Variants in KCMF1 observed in about 807,000 individuals in gnomAD.
The protein encoded by KCMF1 is E3 ubiquitin-protein ligase KCMF1.
A neutral mutation model predicts 41.1 loss-of-function variants in KCMF1; 3 were observed. The ratio of observed to expected loss-of-function variants is 0.07; its 90% CI spans 0.03 to 0.19. The LOEUF is 0.19. Among genes scored for constraint, KCMF1 ranks in the 10% least tolerant of loss-of-function variants. The pLI, the probability that KCMF1 is intolerant of heterozygous loss-of-function variation, is 1.00. For synonymous variants in KCMF1, 142 were observed against 164.5 expected (o/e 0.86, Z 1.04); for missense variants, 286 against 488.9 (o/e 0.58, Z 3.91).
intron 1 of KCMF1, among the ~76,000 whole-genome samples, chr2:84,994,668 G>C (rs984227341): frequency 3.9e-5 from 6 of 152,120 alleles, no homozygotes; most frequent in Non-Finnish European, 8.8e-5. Flanking sequence ...CTCCCAAAGT[G>C]CTGGGATTAC....
intron 2 of KCMF1, among the ~76,000 whole-genome samples, chr2:85,032,577 A>T (rs535710032): frequency 6.6e-6 from 1 of 151,990 alleles, no homozygotes; most frequent in Non-Finnish European, 1.5e-5. Context: ...GGGTTTCACC[A>T]TGTTGGCCAG....
rs1360134870 is a variant in KCMF1 at position 85,049,538 on chromosome 2, T to G, written c.774T>G (p.Thr258=). The G allele has an allele frequency of 6.2e-7, 1 of 1,613,888 alleles. No homozygotes were observed. The highest frequency in any genetic ancestry group is 1.3e-5 in the African/African-American group (1 of 74,918). The change falls in exon 6 of 7, where the codon ACT becomes ACG. Residue 258 remains threonine, a synonymous_variant. Transcript: ENST00000409785. The part of the protein sequence containing the change: ...LETARNATRR[T]NTSSVTTTIT... ...CCGCACGCAACGCAACCCGGCGTAC[T>G]AACACAAGCAGTGTCACCACTACAA...
intron 1 of KCMF1, among the ~76,000 whole-genome samples, chr2:84,995,653 C>A (rs957943555): frequency 1.3e-5 from 2 of 151,998 alleles, no homozygotes; most frequent in African/African-American, 2.4e-5. Context: ...CATTAGAATT[C>A]TTTTATAAAG....
rs556808134 is a variant in KCMF1, at chr2:85,025,634, A to C, written c.17-2255A>C. Among the ~76,000 whole-genome samples the C allele has an allele frequency of 2.3e-3, 353 of 152,218 alleles. 1 individual carries two copies. Among genetic ancestry groups the C allele is most frequent in the South Asian group, 7.7e-3 (37 of 4,830 alleles). On this transcript the variant is annotated intron_variant, in intron 1 of 6. Transcript: ENST00000409785. ...CATTTTTTTGGTTTTTTGAGATAGG[A>C]GTCCCGCTCTGTCACCCAGGCTGGA...
At chr2:85,026,804 T>C (rs963102680) in intron 1 of KCMF1, among the ~76,000 whole-genome samples, 2 of 152,154 alleles carry the variant, frequency 1.3e-5, no homozygotes, top group Non-Finnish European at 2.9e-5. Flanking sequence ...TTTTAACAGG[T>C]CAAGAATTAT....
chr2:84,976,300 G>A (rs931470368), intron 1 of KCMF1, among the ~76,000 whole-genome samples: 6 of 148,520 alleles, frequency 4.0e-5, no homozygotes, highest in Non-Finnish European at 8.9e-5. Context: ...TCCACCTCCT[G>A]TGTTCGAGTG....
intron 1 of KCMF1, among the ~76,000 whole-genome samples, chr2:84,980,125 C>T (rs1673669060): frequency 6.6e-6 from 1 of 152,136 alleles, no homozygotes; most frequent in Admixed American, 6.6e-5. Context: ...AGCCACTGCG[C>T]CCAGCCAGTT....
intron 2 of KCMF1, among the ~76,000 whole-genome samples, chr2:85,033,207 T>G (rs1428619192): frequency 6.6e-6 from 1 of 152,228 alleles, no homozygotes; most frequent in Non-Finnish European, 1.5e-5. Context: ...TAAAAATGAA[T>G]ATGAACAAAT....
chr2:85,024,555 A>T (rs1194500003), intron 1 of KCMF1, among the ~76,000 whole-genome samples: 1 of 106,582 alleles, frequency 9.4e-6, no homozygotes, highest in Non-Finnish European at 1.9e-5. Flanking sequence ...TTGGAGAGTG[A>T]GAGAGAGAGA....
intron 1 of KCMF1, among the ~76,000 whole-genome samples, chr2:84,974,949 C>T (rs949755482): frequency 2.0e-5 from 3 of 151,666 alleles, no homozygotes; most frequent in Non-Finnish European, 2.9e-5. Flanking sequence ...CCTCGTGATC[C>T]GCCGGCCTCG....
At chr2:85,004,461 G>C (rs1241677464) in intron 1 of KCMF1, among the ~76,000 whole-genome samples, 1 of 151,672 alleles carries the variant, frequency 6.6e-6, no homozygotes, top group South Asian at 2.1e-4. Context: ...GCAGTGAGCC[G>C]AGATCGCGCC....
intron 1 of KCMF1, among the ~76,000 whole-genome samples, chr2:84,993,369 C>G: frequency 6.6e-6 from 1 of 152,094 alleles, no homozygotes; most frequent in Middle Eastern, 3.4e-3. Flanking sequence ...GAGTGTTGAT[C>G]CACAGATAGT....
At position 85,035,124 on chromosome 2, in the gene KCMF1, C is replaced by T. The variant is rs763493561; in HGVS notation, c.293C>T (p.Thr98Ile). The T allele has an allele frequency of 6.2e-7, 1 of 1,613,246 alleles. No individual in the cohort carries two copies. The highest frequency in any genetic ancestry group is 8.5e-7 in the Non-Finnish European group (1 of 1,179,512). Residue 98 changes from threonine to isoleucine, a missense_variant, in exon 3 of 7, where the codon ACT becomes ATT. Physicochemically the swap from Thr to Ile is moderately conservative, Grantham distance 89 (BLOSUM62 -1). Around this residue, in one of 2 missense-constraint regions of KCMF1, gnomAD observed 95 missense variants for 209.6 expected, o/e 0.45. Transcript: ENST00000409785. ...YTETSLQEHV[T>I]SEHAETSTEV... ...GAGACATCTCTTCAAGAACATGTTA[C>T]TTCTGAACATGCAGAAACATCAACA...
At chr2:84,991,811 G>A (rs1674048389) in intron 1 of KCMF1, among the ~76,000 whole-genome samples, 1 of 152,132 alleles carries the variant, frequency 6.6e-6, no homozygotes, top group African/African-American at 2.4e-5. Context: ...AAGAAAGATT[G>A]AACCATACTA....
At chr2:85,047,612 A>T (rs80301067) in intron 5 of KCMF1, among the ~76,000 whole-genome samples, 9 of 151,758 alleles carry the variant, frequency 5.9e-5, no homozygotes, top group Non-Finnish European at 2.9e-5. Flanking sequence ...AAAAAAAAAA[A>T]ACACAGTTTT....
chr2:85,036,880 ATT>A (rs1675414819), intron 3 of KCMF1, among the ~76,000 whole-genome samples: 1 of 149,914 alleles, frequency 6.7e-6, no homozygotes, highest in Non-Finnish European at 1.5e-5. Flanking sequence ...TTATTATTAT[ATT>A]TTGTTATTAT....
At chr2:85,004,950 C>T (rs1360124321) in intron 1 of KCMF1, among the ~76,000 whole-genome samples, 2 of 152,012 alleles carry the variant, frequency 1.3e-5, no homozygotes, top group African/African-American at 4.8e-5. Context: ...ATTCTCCTGC[C>T]TCAGCCTCTC....
chr2:85,041,841 C>T (rs1365539966), intron 3 of KCMF1, among the ~76,000 whole-genome samples: 2 of 147,314 alleles, frequency 1.4e-5, no homozygotes, highest in Admixed American at 1.4e-4. Context: ...TGTCCTGCAT[C>T]TCTCAAAGAG....
At chr2:85,046,544 C>T (rs749741223) in intron 5 of KCMF1, among the ~76,000 whole-genome samples, 19 of 151,504 alleles carry the variant, frequency 1.3e-4, no homozygotes, top group African/African-American at 4.6e-4. Flanking sequence ...GCATGAGAAT[C>T]GCTTGAGCCT....
Sources: allele counts gnomAD v4.1 joint callset (sites outside exome capture counted in the v4.1 genomes callset), GRCh38; gene constraint gnomAD v4.1.1; regional missense constraint gnomAD v4.1.1; transcripts MANE v1.5; gene names NCBI Gene and HGNC (gene_info 2026-07-23, HGNC 2026-07-21).